Variants in WDHD1 observed in about 807,000 individuals in gnomAD.
WDHD1 encodes the protein WD repeat and HMG-box DNA binding protein 1, also known as WD repeat and HMG-box DNA-binding protein 1.
WDHD1 carries 111 observed loss-of-function variants against 135.4 expected under a neutral mutation model. The ratio of observed to expected loss-of-function variants is 0.82; its 90% CI spans 0.70 to 0.96. The LOEUF (loss-of-function observed/expected upper bound fraction) is 0.96, where lower values mean the gene tolerates loss of function less well. WDHD1 is among the 40% of genes least tolerant of loss of function. The pLI, the probability that WDHD1 is intolerant of heterozygous loss-of-function variation, is 0.00. For synonymous variants in WDHD1, 434 were observed against 439.0 expected, an observed-to-expected ratio of 0.99 and a Z score of 0.14; for missense variants, 1,351 against 1,336.3, an observed-to-expected ratio of 1.01 and a Z score of -0.17.
In WDHD1 at chr14:54,942,795, A is replaced by G. The variant is rs1400475247; in HGVS notation, c.3190-1105T>C. On this transcript the variant is annotated intron_variant, in intron 25 of 25. Coordinates refer to ENST00000360586, the MANE Select transcript of WDHD1 (RefSeq NM_007086.4). ...GGCTCTTCAAGCTGTAGAATTTCTC[A>G]CATTAACAAACTGGATTTAAGTAAA... 2.0e-5 allele frequency among the ~76,000 whole-genome samples: 3 copies of G among 152,184 alleles called. No individual in the cohort carries two copies. The East Asian group carries it at 5.8e-4, about 29-fold the overall frequency.
chr14:55,019,793 C>T (rs2042316097), intron 2 of WDHD1, among the ~76,000 whole-genome samples: 1 of 152,084 alleles, frequency 6.6e-6, no homozygotes, highest in African/African-American at 2.4e-5. Context: ...CACTTGAACC[C>T]AGGAGGCAGA....
At chr14:55,000,865 A>G in intron 9 of WDHD1, 21 bp downstream of exon 9, 1 of 1,484,918 alleles carries the variant, frequency 6.7e-7, no homozygotes, top group East Asian at 2.5e-5. Flanking sequence ...AAGAAGAGAC[A>G]AAAGATACAC....
intron 18 of WDHD1, among the ~76,000 whole-genome samples, chr14:54,965,556 G>GCTC (rs2041326742): frequency 2.6e-5 from 4 of 152,280 alleles, no homozygotes; most frequent in Middle Eastern, 3.4e-3. Context: ...GTGGTTCTCA[G>GCTC]TTACCTTGAG....
In WDHD1 at chr14:54,962,227, A is replaced by C. The variant is rs182084789; in HGVS notation, c.2701+271T>G. 3.2e-3 allele frequency among the ~76,000 whole-genome samples: 484 copies of C among 152,318 alleles called. 3 individuals carry two copies. The highest frequency in any genetic ancestry group is 0.011 in the African/African-American group (457 of 41,564). On this transcript the variant is annotated intron_variant, in intron 21 of 25. Transcript: ENST00000360586. The stretch of plus-strand genomic sequence containing the variant: ...AACATCTGTCTTCTCAGCTGGGCTA[A>C]AATAGCATTAAAACAGAGATCAACC...
rs1566730597 is a variant in WDHD1 at position 54,991,298 on chromosome 14, G to A, written c.1256C>T (p.Pro419Leu). 18 of 1,613,816 alleles carry A rather than the reference G, an allele frequency of 1.1e-5. No individual in the cohort carries two copies. The highest frequency in any genetic ancestry group is 1.4e-5 in the Non-Finnish European group (16 of 1,179,748). Residue 419 changes from proline (P) to leucine (L), a missense_variant, in exon 12 of 26, where the codon CCA (proline) becomes CTA (leucine). Pro to Leu is a moderately conservative substitution (Grantham distance 98, BLOSUM62 -3). Around this residue, in one of 2 missense-constraint regions of WDHD1, gnomAD observed 1,330 missense variants for 1,296.1 expected, o/e 1.03. Transcript: ENST00000360586. ...AGTTGGCATGGGTCCATCATAAAATGGCCTTTGGGATGTTACAAGTGGTAG... is the reference window on the plus strand; with the variant it reads ...AGTTGGCATGGGTCCATCATAAAATAGCCTTTGGGATGTTACAAGTGGTAG... ...HNLPLVTSQR[P>L]FYDGPMPTPR...
intron 21 of WDHD1, among the ~76,000 whole-genome samples, chr14:54,959,210 CA>C (rs1457982350): frequency 6.6e-6 from 1 of 151,742 alleles, no homozygotes. Context: ...TCTACAAAAA[CA>C]AAAAACAACA....
Position 54,957,305 on chromosome 14 carries a change from A to G in WDHD1, c.2746-101T>C. ...AAATTTCTGTTAAGTTTGTATTGCC[A>G]TCTCATCTTTAGAACTAAATACATT... On this transcript the variant is annotated intron_variant, in intron 22 of 25. Coordinates refer to ENST00000360586, the MANE Select transcript of WDHD1 (RefSeq NM_007086.4). The G allele has an allele frequency of 2.3e-6, 3 of 1,284,048 alleles. No individual in the cohort carries two copies. In the South Asian group the frequency reaches 4.7e-5, roughly 20 times the overall value. The allele number at this position is 1,284,048 out of a possible 1,614,324, so 79.5% of individuals were successfully genotyped here. A position where few individuals can be genotyped will look rare whatever the true frequency, so the allele number is the denominator to read the frequency against.
chr14:54,956,179 A>AAAAAT (rs2041156290), intron 23 of WDHD1, among the ~76,000 whole-genome samples: 2 of 152,142 alleles, frequency 1.3e-5, no homozygotes, highest in South Asian at 4.1e-4. Context: ...AAAAATCAGG[A>AAAAAT]CTCAGAACAA....
At chr14:55,015,951 G>A (rs1325247132) in intron 2 of WDHD1, among the ~76,000 whole-genome samples, 3 of 152,090 alleles carry the variant, frequency 2.0e-5, no homozygotes, top group Non-Finnish European at 2.9e-5. Context: ...CACCCACCTC[G>A]GCCTCTCAAA....
chr14:54,959,511 C>A (rs1025543472), intron 21 of WDHD1, among the ~76,000 whole-genome samples: 1 of 151,836 alleles, frequency 6.6e-6, no homozygotes, highest in African/African-American at 2.4e-5. Context: ...GCCTGTAATC[C>A]GAAAATTTTG....
chr14:54,967,916 C>G (rs894233507), intron 16 of WDHD1, among the ~76,000 whole-genome samples: 2 of 152,208 alleles, frequency 1.3e-5, no homozygotes, highest in African/African-American at 4.8e-5. Context: ...CTACCCTGCC[C>G]AACCTCACAT....
rs570082231 is a variant in WDHD1 at position 55,002,337 on chromosome 14, T to C, written c.601-152A>G. 1.0e-5 allele frequency: 6 copies of C among 596,390 alleles called. No individual in the cohort carries two copies. The African/African-American group carries it at 1.1e-4, about 11-fold the overall frequency. 36.9% of individuals were successfully genotyped at this position (596,390 alleles called of 1,614,324 possible). On this transcript the variant is annotated intron_variant, in intron 7 of 25. Coordinates refer to ENST00000360586, the MANE Select transcript of WDHD1 (RefSeq NM_007086.4). ...GTTTTTAAGAGACGGTGTCTCACTA[T>C]GTTGCCCAGGTTGGTCTCTAACTCC...
At position 54,962,729 on chromosome 14, in the gene WDHD1, G is replaced by C. The variant is rs770571480; in HGVS notation, c.2647+9C>G. On this transcript the variant is annotated intron_variant, in intron 20 of 25. Transcript: ENST00000360586. Reference sequence around the variant, plus strand: ...TCTCATGATTTATGGGCTTGAAAATGTATCTCACCAGGCTTATGTATTTCT... The same window carrying C: ...TCTCATGATTTATGGGCTTGAAAATCTATCTCACCAGGCTTATGTATTTCT... 7.4e-6 allele frequency: 12 copies of C among 1,612,644 alleles called. No homozygotes were observed. The highest frequency in any genetic ancestry group is 5.3e-5 in the African/African-American group (4 of 74,884).
intron 16 of WDHD1, among the ~76,000 whole-genome samples, chr14:54,974,943 A>G (rs531148891): frequency 6.6e-6 from 1 of 152,352 alleles, no homozygotes; most frequent in South Asian, 2.1e-4. Context: ...TCTGCATTTG[A>G]GGGGACTTTG....
rs1425955643 is a variant in WDHD1, at chr14:54,963,134, T to C, written c.2349A>G (p.Glu783=). The change falls in exon 19 of 26, where the codon GAA becomes GAG. Residue 783 remains glutamate, a synonymous_variant. Coordinates refer to ENST00000360586, the MANE Select transcript of WDHD1 (RefSeq NM_007086.4). ...CKLEREFRCV[E]LADLMTQNAV... is the part of the protein sequence containing the mutation. ...CATTTTGAGTCATTAGATCAGCAAG[T>C]TCCACACAACGGAATTCTCGCTCCA... is the stretch of plus-strand genomic sequence containing the variant. 1.5e-6 allele frequency: 2 copies of C among 1,334,198 alleles called. No homozygotes were observed. Among genetic ancestry groups the C allele is most frequent in the Non-Finnish European group, 2.0e-6 (2 of 1,012,070 alleles). 82.6% of individuals were successfully genotyped at this position (1,334,198 alleles called of 1,614,324 possible).
intron 5 of WDHD1, 76 bp from the exon 6 acceptor site, chr14:55,008,442 C>T (rs1046943401): frequency 4.6e-5 from 70 of 1,514,126 alleles, no homozygotes; most frequent in Non-Finnish European, 6.1e-5. Context: ...TTAATTAAAT[C>T]AAAAAGCCCT....
chr14:54,991,473 T>G, intron 11 of WDHD1, 73 bp from the exon 12 acceptor site: 1 of 1,425,170 alleles, frequency 7.0e-7, no homozygotes, highest in Non-Finnish European at 9.7e-7. Context: ...CATTATGGAA[T>G]CTAGTAACTT....
Position 54,984,830 on chromosome 14 carries a change from C to T in WDHD1, c.1799G>A (p.Gly600Glu). The T allele has an allele frequency of 6.2e-7, 1 of 1,613,114 alleles. No homozygotes were observed. The highest frequency in any genetic ancestry group is 8.5e-7 in the Non-Finnish European group (1 of 1,179,656). ...TTTCCCCAGCTCTAGCAGTTGAACT[C>T]CAAGGCACTGATCCCCATCAAATCC... ...GTGFDGDQCL[G>E]VQLLELGKKK... The change falls in exon 15 of 26, where the codon GGA (glycine) becomes GAA (glutamate). Residue 600 changes from glycine to glutamate, a missense_variant. Physicochemically the swap from Gly to Glu is moderately conservative, Grantham distance 98 (BLOSUM62 -2). Coordinates refer to ENST00000360586, the MANE Select transcript of WDHD1 (RefSeq NM_007086.4).
chr14:54,960,206 C>T (rs1046834175), intron 21 of WDHD1, among the ~76,000 whole-genome samples: 2 of 152,158 alleles, frequency 1.3e-5, no homozygotes, highest in Non-Finnish European at 2.9e-5. Flanking sequence ...CTCGCTCTGT[C>T]GCCCAGGCTG....
Sources: gnomAD v4.1 joint callset for allele counts (sites outside exome capture counted in the v4.1 genomes callset) on GRCh38, gnomAD v4.1.1 for gene constraint, gnomAD v4.1.1 regional missense constraint, MANE v1.5 for transcripts, NCBI Gene and HGNC (gene_info 2026-07-23, HGNC 2026-07-21) for gene names.